The following HS3ST3A1 variants were observed in gnomAD, a reference collection of about 807,000 sequenced individuals.
The protein encoded by HS3ST3A1 is heparan sulfate-glucosamine 3-sulfotransferase 3A1.
Under a neutral mutation model 25.7 loss-of-function variants are expected in HS3ST3A1, and 19 were observed. The ratio of observed to expected loss-of-function variants is 0.74; its 90% CI spans 0.52 to 1.08. The LOEUF (loss-of-function observed/expected upper bound fraction) is 1.08. Ranked by LOEUF, HS3ST3A1 falls within the 50% of genes least tolerant of loss-of-function variation. The pLI is 0.00. For missense variants in HS3ST3A1, 459 were observed against 594.3 expected (o/e 0.77, Z 2.37); for synonymous variants, 226 against 278.6 (o/e 0.81, Z 1.88).
At chr17:13,549,619 C>T (rs567286321) in intron 1 of HS3ST3A1, among the ~76,000 whole-genome samples, 2 of 152,284 alleles carry the variant, frequency 1.3e-5, no homozygotes, top group African/African-American at 4.8e-5. Context: ...CACTCATCCT[C>T]TTCTGATGGT....
intron 1 of HS3ST3A1, among the ~76,000 whole-genome samples, chr17:13,519,996 C>G (rs1179752949): frequency 6.6e-6 from 1 of 152,136 alleles, no homozygotes; most frequent in Non-Finnish European, 1.5e-5. Context: ...TTAAAAGTAC[C>G]TGATTCCATC....
At chr17:13,501,587 T>C (rs901171206) in intron 1 of HS3ST3A1, among the ~76,000 whole-genome samples, 1 of 152,170 alleles carries the variant, frequency 6.6e-6, no homozygotes, top group East Asian at 1.9e-4. Context: ...TTGTGGTCCA[T>C]GCCCACTGCC....
At chr17:13,531,350 A>T (rs967659795) in intron 1 of HS3ST3A1, among the ~76,000 whole-genome samples, 1 of 152,072 alleles carries the variant, frequency 6.6e-6, no homozygotes, top group Non-Finnish European at 1.5e-5. Flanking sequence ...CTTCCCTTTC[A>T]TCAGAACAGG....
chr17:13,524,535 T>C (rs1427063391), intron 1 of HS3ST3A1, among the ~76,000 whole-genome samples: 1 of 152,178 alleles, frequency 6.6e-6, no homozygotes, highest in Non-Finnish European at 1.5e-5. Context: ...TGTGCGCCAT[T>C]GAGCCCGGCT....
At chr17:13,519,409 C>T (rs755302487) in intron 1 of HS3ST3A1, among the ~76,000 whole-genome samples, 17 of 152,090 alleles carry the variant, frequency 1.1e-4, no homozygotes, top group Non-Finnish European at 1.9e-4. Flanking sequence ...AAGCTGCAAA[C>T]GGCTGATGCT....
At chr17:13,581,773 G>A (rs147248231) in intron 1 of HS3ST3A1, among the ~76,000 whole-genome samples, 1 of 152,302 alleles carries the variant, frequency 6.6e-6, no homozygotes, top group African/African-American at 2.4e-5. Flanking sequence ...TATCAGATAA[G>A]TATTGGGCTA....
chr17:13,584,172 T>C (rs1173171559), intron 1 of HS3ST3A1, among the ~76,000 whole-genome samples: 1 of 152,182 alleles, frequency 6.6e-6, no homozygotes, highest in Non-Finnish European at 1.5e-5. Context: ...ATTTCTTCAT[T>C]CTCTGATGAA....
intron 1 of HS3ST3A1, among the ~76,000 whole-genome samples, chr17:13,538,096 T>G (rs554970167): frequency 6.6e-6 from 1 of 152,338 alleles, no homozygotes; most frequent in East Asian, 1.9e-4. Flanking sequence ...ATTTGTGTAT[T>G]TTAAATGACA....
chr17:13,517,112 A>G (rs1906079941), intron 1 of HS3ST3A1, among the ~76,000 whole-genome samples: 1 of 152,248 alleles, frequency 6.6e-6, no homozygotes, highest in Non-Finnish European at 1.5e-5. Flanking sequence ...TTGAAATGTC[A>G]TCAGATACTC....
At chr17:13,515,485 T>TTTC (rs1325533775) in intron 1 of HS3ST3A1, among the ~76,000 whole-genome samples, 1 of 151,106 alleles carries the variant, frequency 6.6e-6, no homozygotes, top group Non-Finnish European at 1.5e-5. Context: ...TTTTTTTTTT[T>TTTC]TTTTTTTTGC....
chr17:13,545,576 C>A (rs903581427), intron 1 of HS3ST3A1, among the ~76,000 whole-genome samples: 1 of 152,176 alleles, frequency 6.6e-6, no homozygotes, highest in African/African-American at 2.4e-5. Context: ...TCTGAAATAA[C>A]CCCACTATGC....
chr17:13,514,313 G>T (rs1470916860), intron 1 of HS3ST3A1, among the ~76,000 whole-genome samples: 2 of 151,660 alleles, frequency 1.3e-5, no homozygotes, highest in African/African-American at 4.8e-5. Flanking sequence ...TTTCCTTTAT[G>T]ATGTTTCCTA....
At chr17:13,512,806 G>A (rs1406421339) in intron 1 of HS3ST3A1, among the ~76,000 whole-genome samples, 1 of 152,142 alleles carries the variant, frequency 6.6e-6, no homozygotes, top group East Asian at 1.9e-4. Flanking sequence ...TTCATGATCT[G>A]CGTATGTCTT....
intron 1 of HS3ST3A1, among the ~76,000 whole-genome samples, chr17:13,526,474 T>TTATATATATATATATATATA (rs58701744): frequency 3.9e-5 from 3 of 76,296 alleles, no homozygotes; most frequent in Admixed American, 1.6e-4. Context: ...ACTTTAATTT[T>TTATATATATATATATATATA]TATATATATA....
chr17:13,601,254 G>T lies in HS3ST3A1; in HGVS notation c.-125C>A. 1 of 720,842 alleles carries T rather than the reference G, an allele frequency of 1.4e-6. No homozygotes were observed. Among genetic ancestry groups the T allele is most frequent in the Middle Eastern group, 4.1e-4 (1 of 2,444 alleles). The allele number at this position is 720,842 out of a possible 1,614,324, so 44.7% of individuals were successfully genotyped here. A position where few individuals can be genotyped will look rare whatever the true frequency, so the allele number is the denominator to read the frequency against. On this transcript the variant is annotated 5_prime_UTR_variant, in exon 1 of 2. Transcript: ENST00000284110. ...GGCCACATCGCCGTGCGCCCCTGTG[G>T]CCGTGCGAACTGTCCCGGGAGGCAG...
chr17:13,547,507 C>T (rs1907121738), intron 1 of HS3ST3A1, among the ~76,000 whole-genome samples: 1 of 152,098 alleles, frequency 6.6e-6, no homozygotes. Flanking sequence ...TCCATAAAAG[C>T]CCCTAAACAA....
intron 1 of HS3ST3A1, among the ~76,000 whole-genome samples, chr17:13,547,159 T>C (rs530763080): frequency 1.0e-3 from 157 of 152,286 alleles, no homozygotes; most frequent in Middle Eastern, 3.4e-3. Flanking sequence ...GTCTTCAACT[T>C]CATCCCTCCC....
chr17:13,572,578 A>G (rs2062274692), intron 1 of HS3ST3A1, among the ~76,000 whole-genome samples: 1 of 152,184 alleles, frequency 6.6e-6, no homozygotes, highest in Non-Finnish European at 1.5e-5. Context: ...AGGGCTCACA[A>G]TTGTATTGGC....
chr17:13,526,747 A>G (rs1906444020), intron 1 of HS3ST3A1, among the ~76,000 whole-genome samples: 2 of 151,824 alleles, frequency 1.3e-5, no homozygotes, highest in Admixed American at 1.3e-4. Context: ...TCCCAGGTTC[A>G]AGCGATTCTC....
Sources: gnomAD v4.1 joint callset for allele counts (sites outside exome capture counted in the v4.1 genomes callset) on GRCh38, gnomAD v4.1.1 for gene constraint, MANE v1.5 for transcripts, NCBI Gene and HGNC (gene_info 2026-07-23, HGNC 2026-07-21) for gene names.